The following AGO2 variants were observed in gnomAD, a reference collection of about 807,000 sequenced individuals.
The protein encoded by AGO2 is argonaute RISC catalytic component 2.
A neutral mutation model predicts 102.3 loss-of-function variants in AGO2; 5 were observed. That is an observed-to-expected ratio of 0.05 (90% confidence interval 0.03 to 0.10). The LOEUF (loss-of-function observed/expected upper bound fraction) is 0.10, where lower values mean the gene tolerates loss of function less well. Among genes scored for constraint, AGO2 ranks in the 10% least tolerant of loss-of-function variants. AGO2 has a pLI of 1.00. For synonymous variants in AGO2, 449 were observed against 473.1 expected (o/e 0.95, Z 0.66); for missense variants, 541 against 1,183.7 (o/e 0.46, Z 7.97).
At chr8:140,585,899 A>G (rs1054407773) in intron 1 of AGO2, among the ~76,000 whole-genome samples, 2 of 152,156 alleles carry the variant, frequency 1.3e-5, no homozygotes, top group African/African-American at 4.8e-5. Context: ...AAGAAAAAGA[A>G]CTCTACTAAA....
At position 140,559,380 on chromosome 8, in the gene AGO2, G is replaced by A; in HGVS notation, c.790+15C>T. 1.2e-6 allele frequency: 2 copies of A among 1,613,730 alleles called. No homozygotes were observed. The highest frequency in any genetic ancestry group is 1.7e-5 in the Admixed American group (1 of 59,984). On this transcript the variant is annotated intron_variant, in intron 6 of 18. Coordinates refer to ENST00000220592, the MANE Select transcript of AGO2 (RefSeq NM_012154.5). ...CTCCCAGCCCTCAGCCAGGTGTGCT[G>A]GGACAGTTCATTACCTTTAATTTCT...
Position 140,562,617 on chromosome 8 carries a change from C to G in AGO2, c.354G>C (p.Thr118=), listed in dbSNP as rs377556379. Residue 118 remains threonine, a synonymous_variant, in exon 4 of 19, where the codon ACG becomes ACC. Coordinates refer to ENST00000220592, the MANE Select transcript of AGO2 (RefSeq NM_012154.5). ...TGCGATCCTTGCCTTCTCCTGGCAG[C>G]GTGACCTCCAGCTCCACCTGCGAGG... is the stretch of plus-strand genomic sequence containing the variant. The part of the protein sequence containing the change: ...IGRDKVELEV[T]LPGEGKDRIF... 6.2e-7 allele frequency: 1 copy of G among 1,613,492 alleles called. No homozygotes were observed. Among genetic ancestry groups the G allele is most frequent in the South Asian group, 1.1e-5 (1 of 91,078 alleles).
At chr8:140,562,400 C>T (rs1353445558) in intron 4 of AGO2, 53 bp downstream of exon 4, 20 of 1,562,156 alleles carry the variant, frequency 1.3e-5, no homozygotes, top group South Asian at 3.5e-5. Context: ...CTGCGGGGGG[C>T]CCTCGGAGCT....
At chr8:140,610,103 G>T (rs1473173669) in intron 1 of AGO2, among the ~76,000 whole-genome samples, 1 of 151,704 alleles carries the variant, frequency 6.6e-6, no homozygotes, top group East Asian at 1.9e-4. Context: ...TACTTGAGAG[G>T]CTGAGGCAGG....
chr8:140,586,124 A>C (rs750443529), intron 1 of AGO2, among the ~76,000 whole-genome samples: 17 of 152,238 alleles, frequency 1.1e-4, no homozygotes, highest in Non-Finnish European at 2.4e-4. Context: ...ACAGACTTCC[A>C]TGACACTCCA....
intron 1 of AGO2, among the ~76,000 whole-genome samples, chr8:140,615,794 T>C (rs1010131797): frequency 3.3e-5 from 5 of 152,268 alleles, no homozygotes; most frequent in Non-Finnish European, 5.9e-5. Flanking sequence ...TGTTCTGAAT[T>C]AAACACACTA....
rs1031816702 is a variant in AGO2 at position 140,540,561 on chromosome 8, C to T, written c.2034+603G>A. 6.6e-6 allele frequency among the ~76,000 whole-genome samples: 1 copy of T among 152,190 alleles called. No individual in the cohort carries two copies. Among genetic ancestry groups the T allele is most frequent in the Non-Finnish European group, 1.5e-5 (1 of 68,028 alleles). ...AGGTCACCTTGATCTGGGGGTGCTG[C>T]GTGTGCTCTCAACCAAAGACAGCAA... On this transcript the variant is annotated intron_variant, in intron 15 of 18. Coordinates refer to ENST00000220592, the MANE Select transcript of AGO2 (RefSeq NM_012154.5). The surrounding 1 kb of genome is among the most constrained non-coding windows in gnomAD (Gnocchi z 5.0).
At chr8:140,621,413 G>A (rs75624520) in intron 1 of AGO2, among the ~76,000 whole-genome samples, 246 of 152,286 alleles carry the variant, frequency 1.6e-3, no homozygotes, top group African/African-American at 5.6e-3. Context: ...GACTCAGACC[G>A]TGAGCTCGCA....
At chr8:140,541,400 C>G in intron 14 of AGO2, 42 bp from the exon 15 acceptor site, 1 of 1,518,246 alleles carries the variant, frequency 6.6e-7, no homozygotes, top group Non-Finnish European at 8.8e-7. Flanking sequence ...GTTCCCAAAA[C>G]TTTCCTTTCC....
chr8:140,613,256 G>A (rs1379240350), intron 1 of AGO2, among the ~76,000 whole-genome samples: 1 of 152,210 alleles, frequency 6.6e-6, no homozygotes, highest in Non-Finnish European at 1.5e-5. Flanking sequence ...TCGACAGAAT[G>A]CAGAAGCCAG....
chr8:140,630,209 A>G (rs1240594296), intron 1 of AGO2, among the ~76,000 whole-genome samples: 2 of 152,198 alleles, frequency 1.3e-5, no homozygotes, highest in Non-Finnish European at 2.9e-5. Context: ...AGCTACACAC[A>G]AGCCCCAGAT....
intron 1 of AGO2, among the ~76,000 whole-genome samples, chr8:140,620,739 T>C (rs1463443485): frequency 3.9e-5 from 6 of 151,930 alleles, no homozygotes; most frequent in African/African-American, 1.5e-4. Context: ...CATGGTGGCA[T>C]GCATCTGTGG....
rs546964863 is a variant in AGO2 at position 140,628,387 on chromosome 8, G to A, written c.22+7098C>T. ...GCCAGGCACGTGGAGCTGCAGGCAC[G>A]TGTGTGTGTGCGTGTGTGTGTGTTA... On this transcript the variant is annotated intron_variant, in intron 1 of 18. Coordinates refer to ENST00000220592, the MANE Select transcript of AGO2 (RefSeq NM_012154.5). 2.5e-3 allele frequency among the ~76,000 whole-genome samples: 386 copies of A among 151,418 alleles called. 1 individual carries two copies. The highest frequency in any genetic ancestry group is 4.6e-3 in the Non-Finnish European group (312 of 68,022).
intron 1 of AGO2, among the ~76,000 whole-genome samples, chr8:140,631,695 C>T (rs1421151577): frequency 6.6e-6 from 1 of 152,190 alleles, no homozygotes; most frequent in South Asian, 2.1e-4. Flanking sequence ...ACTGGAAACA[C>T]ACTTCTGAGA....
At chr8:140,629,415 G>C (rs1240339208) in intron 1 of AGO2, among the ~76,000 whole-genome samples, 2 of 152,134 alleles carry the variant, frequency 1.3e-5, no homozygotes, top group African/African-American at 4.8e-5. Flanking sequence ...TAAGGTTGGA[G>C]AGGATGCTAG....
rs1288749958 is a variant in AGO2 at position 140,525,019 on chromosome 8, T to C, written c.*7025A>G. On this transcript the variant is annotated 3_prime_UTR_variant, in exon 19 of 19. Transcript: ENST00000220592. ...ATCCAAGGAGGTTTTAAATAGGAGA[T>C]AACTCAGCCTCTTCCTACCCCCCAA... The C allele has an allele frequency of 6.6e-6, 1 of 152,230 alleles. No individual in the cohort carries two copies. The highest frequency in any genetic ancestry group is 2.4e-5 in the African/African-American group (1 of 41,458). The allele number at this position is 152,230 out of a possible 1,614,324, so 9.4% of individuals were successfully genotyped here. A position where few individuals can be genotyped will look rare whatever the true frequency, so the allele number is the denominator to read the frequency against.
intron 11 of AGO2, 127 bp downstream of exon 11, chr8:140,551,176 C>G: frequency 1.7e-6 from 2 of 1,154,258 alleles, no homozygotes; most frequent in Non-Finnish European, 2.3e-6. Context: ...GCTGATGAAC[C>G]CTGACATCAA....
intron 1 of AGO2, among the ~76,000 whole-genome samples, chr8:140,597,883 C>A (rs570975461): frequency 5.8e-4 from 89 of 152,322 alleles, no homozygotes; most frequent in Non-Finnish European, 8.8e-4. Flanking sequence ...CACTCATCAC[C>A]GGGCTGTTGC....
In AGO2 at chr8:140,529,508, T is replaced by C. The variant is rs2072555282; in HGVS notation, c.*2536A>G. The C allele has an allele frequency of 6.6e-6, 1 of 152,078 alleles. No homozygotes were observed. Among genetic ancestry groups the C allele is most frequent in the Admixed American group, 6.5e-5 (1 of 15,280 alleles). The allele number at this position is 152,078 out of a possible 1,614,324, so 9.4% of individuals were successfully genotyped here. A position where few individuals can be genotyped will look rare whatever the true frequency, so the allele number is the denominator to read the frequency against. ...AATGTTTTTAGTATTAAAAGTTTTA[T>C]AAAACAAGCATAGGGCTATAAAAAA... is the stretch of plus-strand genomic sequence containing the variant. On this transcript the variant is annotated 3_prime_UTR_variant, in exon 19 of 19. Coordinates refer to ENST00000220592, the MANE Select transcript of AGO2 (RefSeq NM_012154.5).
Sources: gnomAD v4.1 joint callset for allele counts (sites outside exome capture counted in the v4.1 genomes callset) on GRCh38, gnomAD v4.1.1 for gene constraint, Gnocchi (gnomAD v3.1) non-coding constraint, MANE v1.5 for transcripts, NCBI Gene and HGNC (gene_info 2026-07-23, HGNC 2026-07-21) for gene names.